RRP1B: variants seen among roughly 807,000 people sequenced by gnomAD.
RRP1B encodes the protein ribosomal RNA processing protein 1 homolog B.
Under a neutral mutation model 80.2 loss-of-function variants are expected in RRP1B, and 56 were observed. That is an observed-to-expected ratio of 0.70 (90% CI 0.56 to 0.87). The LOEUF is 0.87. Among genes scored for constraint, RRP1B ranks in the 40% least tolerant of loss-of-function variants. RRP1B has a pLI of 0.00. For missense variants in RRP1B, 807 were observed against 939.8 expected, an observed-to-expected ratio of 0.86 and a Z score of 1.85; for synonymous variants, 351 against 357.6, an observed-to-expected ratio of 0.98 and a Z score of 0.21.
At chr21:43,665,142 T>G (rs1315007539) in intron 1 of RRP1B, among the ~76,000 whole-genome samples, 2 of 152,256 alleles carry the variant, frequency 1.3e-5, no homozygotes, top group Non-Finnish European at 2.9e-5. Flanking sequence ...GGGCTATCCA[T>G]AGCAGATGCT....
At chr21:43,675,003 C>A in intron 5 of RRP1B, 31 bp from the exon 6 acceptor site, 1 of 1,612,228 alleles carries the variant, frequency 6.2e-7, no homozygotes. Context: ...GGCATACTGT[C>A]ATTCACAGAA....
At chr21:43,663,543 C>T (rs1470258811) in intron 1 of RRP1B, among the ~76,000 whole-genome samples, 2 of 151,940 alleles carry the variant, frequency 1.3e-5, no homozygotes, top group African/African-American at 2.4e-5. Flanking sequence ...GTGTGAGCCA[C>T]ACCGTGCCCA....
At chr21:43,662,493 T>C (rs1356173159) in intron 1 of RRP1B, among the ~76,000 whole-genome samples, 2 of 152,246 alleles carry the variant, frequency 1.3e-5, no homozygotes, top group Admixed American at 1.3e-4. Flanking sequence ...CGACTCCCGA[T>C]GACAGGCTCC....
chr21:43,662,965 C>A (rs546914033), intron 1 of RRP1B, among the ~76,000 whole-genome samples: 1 of 152,194 alleles, frequency 6.6e-6, no homozygotes, highest in Non-Finnish European at 1.5e-5. Flanking sequence ...TTCTTTTTGG[C>A]AGCATACAAA....
chr21:43,673,140 T>A (rs551382346), intron 3 of RRP1B, among the ~76,000 whole-genome samples: 4 of 152,180 alleles, frequency 2.6e-5, no homozygotes, highest in Admixed American at 2.6e-4. Context: ...ATATGGATTA[T>A]ATAAGTGTCA....
intron 1 of RRP1B, among the ~76,000 whole-genome samples, chr21:43,664,289 T>C (rs1286092474): frequency 3.4e-5 from 5 of 145,632 alleles, no homozygotes; most frequent in Non-Finnish European, 7.5e-5. Context: ...ATCGCACCAT[T>C]GCACTGCAGC....
At position 43,671,637 on chromosome 21, in the gene RRP1B, G is replaced by T. The variant is rs543309576; in HGVS notation, c.214-671G>T. ...CCCGCCTCGGCCTCCCAAAGTGCTC[G>T]GGCTCCCATTACAGGCATGAGCTGC... On this transcript the variant is annotated intron_variant, in intron 2 of 15. Coordinates refer to ENST00000340648, the MANE Select transcript of RRP1B (RefSeq NM_015056.3). Among the ~76,000 whole-genome samples, 3 of 152,036 alleles carry T rather than the reference G, an allele frequency of 2.0e-5. No homozygotes were observed. In the South Asian group the frequency reaches 6.2e-4, roughly 32 times the overall value.
intron 9 of RRP1B, among the ~76,000 whole-genome samples, chr21:43,683,991 G>T (rs1199154260): frequency 9.6e-6 from 1 of 104,524 alleles, no homozygotes; most frequent in African/African-American, 3.9e-5. Context: ...AAAAAAAAAA[G>T]CACACCCAGG....
At chr21:43,679,761 G>A (rs766821382) in intron 8 of RRP1B, among the ~76,000 whole-genome samples, 2 of 152,108 alleles carry the variant, frequency 1.3e-5, no homozygotes, top group African/African-American at 2.4e-5. Context: ...CTACCCATCC[G>A]TGAGCATGGG....
At chr21:43,672,970 G>A (rs2083005762) in intron 3 of RRP1B, among the ~76,000 whole-genome samples, 1 of 152,038 alleles carries the variant, frequency 6.6e-6, no homozygotes, top group South Asian at 2.1e-4. Flanking sequence ...TTACAAAGAT[G>A]AAAAAAGAAT....
At chr21:43,681,945 G>A (rs556957312) in intron 8 of RRP1B, among the ~76,000 whole-genome samples, 28 of 152,114 alleles carry the variant, frequency 1.8e-4, no homozygotes, top group East Asian at 9.7e-4. Flanking sequence ...AGCTACCAGC[G>A]ACCCTGTCTC....
intron 8 of RRP1B, among the ~76,000 whole-genome samples, chr21:43,680,975 C>T (rs2083040844): frequency 6.6e-6 from 1 of 152,186 alleles, no homozygotes; most frequent in African/African-American, 2.4e-5. Flanking sequence ...TGCAGTGGCT[C>T]ATGCCTATAA....
chr21:43,660,171 C>T (rs2082945081), intron 1 of RRP1B, among the ~76,000 whole-genome samples: 1 of 152,162 alleles, frequency 6.6e-6, no homozygotes, highest in South Asian at 2.1e-4. Flanking sequence ...GGAGAGAAGA[C>T]AGACAAAATC....
chr21:43,670,548 C>T (rs550445382), intron 2 of RRP1B, among the ~76,000 whole-genome samples: 34 of 152,374 alleles, frequency 2.2e-4, no homozygotes, highest in African/African-American at 7.2e-4. Context: ...TGTTCTGACC[C>T]ATGAAAGTAG....
intron 1 of RRP1B, among the ~76,000 whole-genome samples, chr21:43,668,868 A>G (rs192101182): frequency 6.6e-6 from 1 of 152,332 alleles, no homozygotes; most frequent in Admixed American, 6.5e-5. Context: ...TCATGTATCC[A>G]TAGGCTCGGA....
At chr21:43,686,551 A>C (rs2083063752) in intron 11 of RRP1B, 1 of 389,586 alleles carries the variant, frequency 2.6e-6, no homozygotes, top group Non-Finnish European at 4.8e-6. Flanking sequence ...AGACTGCATT[A>C]GCCAAGCGTC....
chr21:43,659,928 G>A lies in RRP1B; in HGVS notation c.130+134G>A. 1 of 1,046,340 alleles carries A rather than the reference G, an allele frequency of 9.6e-7. No homozygotes were observed. The highest frequency in any genetic ancestry group is 1.3e-6 in the Non-Finnish European group (1 of 784,136). The allele number at this position is 1,046,340 out of a possible 1,614,324, so 64.8% of individuals were successfully genotyped here. A position where few individuals can be genotyped will look rare whatever the true frequency, so the allele number is the denominator to read the frequency against. Reference sequence around the variant, plus strand: ...ACCCAGCGTGTGCTTCGGTTTCCGCGCTGCCGGAACCGCTTCTTGCTGTGT... The same window carrying A: ...ACCCAGCGTGTGCTTCGGTTTCCGCACTGCCGGAACCGCTTCTTGCTGTGT... On this transcript the variant is annotated intron_variant, in intron 1 of 15. Transcript: ENST00000340648. The surrounding 1 kb of genome is among the most constrained non-coding windows in gnomAD (Gnocchi z 4.2).
chr21:43,675,864 ATTTT>A (rs1257933802), intron 6 of RRP1B, among the ~76,000 whole-genome samples: 115 of 149,654 alleles, frequency 7.7e-4, no homozygotes, highest in Non-Finnish European at 1.4e-3. Context: ...ATTTTATTTT[ATTTT>A]ATTTTATTTT....
chr21:43,680,192 A>G (rs962924607), intron 8 of RRP1B, among the ~76,000 whole-genome samples: 5 of 152,084 alleles, frequency 3.3e-5, no homozygotes, highest in African/African-American at 1.2e-4. Context: ...CTTTTCTGTG[A>G]TTGCTCTGGC....
Sources: allele counts gnomAD v4.1 joint callset (sites outside exome capture counted in the v4.1 genomes callset), GRCh38; gene constraint gnomAD v4.1.1; non-coding constraint Gnocchi (gnomAD v3.1); transcripts MANE v1.5; gene names NCBI Gene and HGNC (gene_info 2026-07-23, HGNC 2026-07-21).